TENM2: variants seen among roughly 807,000 people sequenced by gnomAD.
TENM2 encodes the protein teneurin transmembrane protein 2, also known as teneurin-2.
A neutral mutation model predicts 245.2 loss-of-function variants in TENM2; 52 were observed. That is an observed-to-expected ratio of 0.21 (90% CI 0.17 to 0.27). TENM2 has a LOEUF of 0.27. Among genes scored for constraint, TENM2 ranks in the 10% least tolerant of loss-of-function variants. The pLI, the probability that TENM2 is intolerant of heterozygous loss-of-function variation, is 1.00. For synonymous variants in TENM2, 1,363 were observed against 1,438.9 expected (o/e 0.95, Z 1.19); for missense variants, 3,046 against 3,666.8 (o/e 0.83, Z 4.37).
At chr5:168,256,084 G>A (rs560810835) in intron 27 of TENM2, among the ~76,000 whole-genome samples, 6 of 151,904 alleles carry the variant, frequency 3.9e-5, no homozygotes, top group African/African-American at 7.2e-5. Context: ...GATTACAGGC[G>A]TGAGCCACCG....
At chr5:168,225,761 C>CAAAAAAAAAAAA (rs567948197) in intron 23 of TENM2, among the ~76,000 whole-genome samples, 1 of 57,120 alleles carries the variant, frequency 1.8e-5, no homozygotes. Flanking sequence ...TCCATCATCT[C>CAAAAAAAAAAAA]AAAAAAAAAA....
At chr5:166,983,266 C>A in the TENM2 span, among the ~76,000 whole-genome samples, 1 of 152,028 alleles carries the variant, frequency 6.6e-6, no homozygotes, top group Non-Finnish European at 1.5e-5. Flanking sequence ...TTGTATACTA[C>A]AGTATGATTC....
chr5:167,805,939 A>T (rs1766130081), intron 2 of TENM2, among the ~76,000 whole-genome samples: 1 of 152,188 alleles, frequency 6.6e-6, no homozygotes, highest in African/African-American at 2.4e-5. Context: ...TTCCTATAAA[A>T]TAATTTCCCA....
chr5:168,114,727 T>G (rs1794927472), intron 9 of TENM2, among the ~76,000 whole-genome samples: 1 of 152,224 alleles, frequency 6.6e-6, no homozygotes, highest in Non-Finnish European at 1.5e-5. Context: ...CCATTGAGTG[T>G]CCTGCTTTCC....
At chr5:167,609,170 C>T (rs1251674483) in intron 2 of TENM2, among the ~76,000 whole-genome samples, 3 of 151,982 alleles carry the variant, frequency 2.0e-5, no homozygotes, top group Non-Finnish European at 4.4e-5. Context: ...ATAGTCTGGC[C>T]ATAAGAACCT....
intron 2 of TENM2, among the ~76,000 whole-genome samples, chr5:167,452,964 T>TAAATATATATATATTTA (rs1765699944): frequency 9.2e-6 from 1 of 108,224 alleles, no homozygotes; most frequent in Non-Finnish European, 1.8e-5. Flanking sequence ...TATATATATT[T>TAAATATATATATATTTA]AAAAAAAAAA....
chr5:167,666,137 C>T (rs925221823), intron 2 of TENM2, among the ~76,000 whole-genome samples: 5 of 152,196 alleles, frequency 3.3e-5, no homozygotes, highest in African/African-American at 9.6e-5. Context: ...ATGGGCAGGT[C>T]CCTGAGGGTG....
the TENM2 span, among the ~76,000 whole-genome samples, chr5:166,981,970 T>G: frequency 1.3e-5 from 2 of 152,216 alleles, no homozygotes; most frequent in African/African-American, 2.4e-5. Flanking sequence ...GATGGGTTTA[T>G]TATGATAATA....
chr5:168,072,807 T>G (rs1322281850), intron 7 of TENM2, among the ~76,000 whole-genome samples: 6 of 152,182 alleles, frequency 3.9e-5, no homozygotes, highest in African/African-American at 1.4e-4. Flanking sequence ...TCAATCTAAC[T>G]GGCCTACAAC....
intron 2 of TENM2, among the ~76,000 whole-genome samples, chr5:167,806,647 T>C (rs1766198504): frequency 6.6e-6 from 1 of 152,104 alleles, no homozygotes; most frequent in Non-Finnish European, 1.5e-5. Flanking sequence ...ATATCATGCT[T>C]ACTTGTGACA....
chr5:168,262,977 C>A (rs530683007), exon 29 of TENM2: 22 of 614,922 alleles, frequency 3.6e-5, no homozygotes, highest in Non-Finnish European at 6.1e-5. Flanking sequence ...ACTGTCCAAG[C>A]GAGAAGTCCC....
At chr5:167,496,905 G>A (rs1768855470) in intron 2 of TENM2, among the ~76,000 whole-genome samples, 1 of 151,940 alleles carries the variant, frequency 6.6e-6, no homozygotes, top group African/African-American at 2.4e-5. Context: ...CACATCAGTT[G>A]CAGGTTTAAA....
intron 2 of TENM2, among the ~76,000 whole-genome samples, chr5:167,402,481 G>A (rs1029529419): frequency 2.6e-5 from 4 of 152,110 alleles, no homozygotes; most frequent in African/African-American, 7.2e-5. Flanking sequence ...CATGTATCAA[G>A]TATGGATATA....
intron 2 of TENM2, among the ~76,000 whole-genome samples, chr5:167,599,420 G>A (rs1776453615): frequency 1.3e-5 from 2 of 152,026 alleles, no homozygotes; most frequent in Non-Finnish European, 2.9e-5. Context: ...TAACTCTCAA[G>A]TGCTGTTTCT....
At chr5:167,883,242 C>T (rs1031666130) in intron 3 of TENM2, among the ~76,000 whole-genome samples, 1 of 152,190 alleles carries the variant, frequency 6.6e-6, no homozygotes, top group Admixed American at 6.5e-5. Context: ...GGTCTCCCAC[C>T]TCAATAATTG....
intron 2 of TENM2, among the ~76,000 whole-genome samples, chr5:167,398,822 T>G (rs1338182811): frequency 2.0e-5 from 3 of 152,306 alleles, no homozygotes; most frequent in African/African-American, 7.2e-5. Context: ...GCGAAGTGCC[T>G]GGCACGTAGT....
intron 1 of TENM2, among the ~76,000 whole-genome samples, chr5:167,361,079 C>G (rs992238252): frequency 5.9e-5 from 9 of 152,212 alleles, no homozygotes; most frequent in African/African-American, 2.2e-4. Flanking sequence ...TGTAATTGAA[C>G]ATATGAGCAG....
At chr5:167,340,100 A>T (rs1275678880) in intron 1 of TENM2, among the ~76,000 whole-genome samples, 1 of 152,208 alleles carries the variant, frequency 6.6e-6, no homozygotes, top group African/African-American at 2.4e-5. Context: ...CTTCCACAAA[A>T]CACTGGAACA....
intron 15 of TENM2, 91 bp from the exon 18 acceptor site, chr5:168,198,762 C>G: frequency 1.3e-6 from 2 of 1,483,198 alleles, no homozygotes; most frequent in South Asian, 1.3e-5. Flanking sequence ...GTGCTCTGCC[C>G]ATCGCATGGC....
Sources: gnomAD v4.1 joint callset for allele counts (sites outside exome capture counted in the v4.1 genomes callset) on GRCh38, gnomAD v4.1.1 for gene constraint, MANE v1.5 for transcripts, NCBI Gene and HGNC (gene_info 2026-07-23, HGNC 2026-07-21) for gene names.